Variants in SCG5 observed in about 807,000 individuals in gnomAD.
The protein encoded by SCG5 is neuroendocrine protein 7B2.
SCG5 carries 18 observed loss-of-function variants against 25.7 expected under a neutral mutation model. That is an observed-to-expected ratio of 0.70 (90% CI 0.48 to 1.04). The LOEUF is 1.04. Among genes scored for constraint, SCG5 ranks in the 50% least tolerant of loss-of-function variants. The pLI, the probability that SCG5 is intolerant of heterozygous loss-of-function variation, is 0.00. For missense variants in SCG5, 206 were observed against 259.8 expected (o/e 0.79, Z 1.42); for synonymous variants, 101 against 91.7 (o/e 1.10, Z -0.58).
intron 2 of SCG5, among the ~76,000 whole-genome samples, chr15:32,650,273 T>C (rs932787145): frequency 1.3e-5 from 2 of 151,976 alleles, no homozygotes; most frequent in African/African-American, 4.8e-5. Flanking sequence ...AATTTTTTTT[T>C]CGTATTTTTA....
chr15:32,658,742 G>A (rs2054166231), intron 2 of SCG5, among the ~76,000 whole-genome samples: 1 of 152,208 alleles, frequency 6.6e-6, no homozygotes, highest in African/African-American at 2.4e-5. Flanking sequence ...TGGTGGCAGG[G>A]GTAGTAGCAG....
At chr15:32,689,127 G>A (rs7178316) in intron 4 of SCG5, among the ~76,000 whole-genome samples, 19,987 of 151,810 alleles carry the variant, frequency 0.13, 1,800 homozygotes, top group East Asian at 0.44. Context: ...TTCTTACTCC[G>A]CTATTCTTTC....
intron 3 of SCG5, among the ~76,000 whole-genome samples, chr15:32,682,392 C>T (rs2054635613): frequency 6.6e-6 from 1 of 152,196 alleles, no homozygotes. Context: ...TTTCTTGAGC[C>T]TTAATGTCTT....
chr15:32,692,786 G>C (rs939457795), intron 5 of SCG5, among the ~76,000 whole-genome samples: 9 of 152,222 alleles, frequency 5.9e-5, no homozygotes, highest in African/African-American at 2.2e-4. Flanking sequence ...TCCGGTCAGA[G>C]AGAGCTTCAA....
intron 4 of SCG5, among the ~76,000 whole-genome samples, chr15:32,689,927 T>C (rs2054814604): frequency 6.6e-6 from 1 of 151,568 alleles, no homozygotes; most frequent in African/African-American, 2.4e-5. Context: ...CTGCAAGCTC[T>C]GCCTCCTGGG....
At chr15:32,644,973 T>C (rs2053919932) in intron 2 of SCG5, among the ~76,000 whole-genome samples, 1 of 152,346 alleles carries the variant, frequency 6.6e-6, no homozygotes, top group Non-Finnish European at 1.5e-5. Context: ...TAAAACTAAT[T>C]CGGTGAGATT....
intron 2 of SCG5, among the ~76,000 whole-genome samples, chr15:32,662,619 C>T (rs2054238605): frequency 6.6e-6 from 1 of 151,966 alleles, no homozygotes; most frequent in Non-Finnish European, 1.5e-5. Context: ...GTTCTTTAAG[C>T]TATTTAGCAG....
chr15:32,645,128 CCTT>C (rs2140495943), intron 2 of SCG5, among the ~76,000 whole-genome samples: 1 of 152,354 alleles, frequency 6.6e-6, no homozygotes, highest in South Asian at 2.1e-4. Flanking sequence ...GAATCTCAGT[CCTT>C]CTCAGCATCT....
At chr15:32,664,251 T>G (rs1219500894) in intron 2 of SCG5, among the ~76,000 whole-genome samples, 3 of 152,182 alleles carry the variant, frequency 2.0e-5, no homozygotes, top group African/African-American at 7.2e-5. Context: ...CGCCAGCTAT[T>G]AGTAGTGTAG....
At chr15:32,650,863 T>C (rs1049145125) in intron 2 of SCG5, among the ~76,000 whole-genome samples, 1 of 152,222 alleles carries the variant, frequency 6.6e-6, no homozygotes, top group Non-Finnish European at 1.5e-5. Context: ...TAGCATTTGA[T>C]GGCTCTGAGT....
chr15:32,663,059 ATATATATATAT>A (rs2054255727), intron 2 of SCG5, among the ~76,000 whole-genome samples: 4 of 68,462 alleles, frequency 5.8e-5, no homozygotes, highest in East Asian at 3.2e-4. Flanking sequence ...ATATATATAT[ATATATATATAT>A]ATATATATAA....
intron 2 of SCG5, among the ~76,000 whole-genome samples, chr15:32,664,830 A>T (rs897633574): frequency 6.6e-6 from 1 of 152,242 alleles, no homozygotes; most frequent in African/African-American, 2.4e-5. Flanking sequence ...TCTGTAAGGA[A>T]TACAGAAGGG....
chr15:32,688,739 A>G (rs1326190332), intron 4 of SCG5, among the ~76,000 whole-genome samples: 2 of 152,086 alleles, frequency 1.3e-5, no homozygotes, highest in African/African-American at 4.8e-5. Context: ...CAGGCGGATC[A>G]TGAGGTCAGG....
chr15:32,655,448 T>C (rs2054102284), intron 2 of SCG5, among the ~76,000 whole-genome samples: 1 of 152,188 alleles, frequency 6.6e-6, no homozygotes, highest in Admixed American at 6.5e-5. Flanking sequence ...GGCACCACCA[T>C]GCCCTTCAGC....
intron 2 of SCG5, among the ~76,000 whole-genome samples, chr15:32,667,489 C>T (rs1161038439): frequency 6.6e-6 from 1 of 152,238 alleles, no homozygotes; most frequent in Non-Finnish European, 1.5e-5. Flanking sequence ...CTGCAGCTGT[C>T]TGAGCGTATT....
At chr15:32,670,220 T>G (rs960644312) in intron 2 of SCG5, among the ~76,000 whole-genome samples, 13 of 152,276 alleles carry the variant, frequency 8.5e-5, no homozygotes, top group African/African-American at 3.1e-4. Flanking sequence ...TTTGCTTATC[T>G]GCCAACAGGC....
At chr15:32,647,335 A>G (rs1250734212) in intron 2 of SCG5, among the ~76,000 whole-genome samples, 2 of 152,246 alleles carry the variant, frequency 1.3e-5, no homozygotes, top group Non-Finnish European at 2.9e-5. Flanking sequence ...CATGGTACAT[A>G]GAAGACAAAT....
At chr15:32,664,029 A>G (rs1373569144) in intron 2 of SCG5, among the ~76,000 whole-genome samples, 3 of 152,174 alleles carry the variant, frequency 2.0e-5, no homozygotes, top group African/African-American at 7.2e-5. Context: ...CTGAATTTGA[A>G]TTCTGAAGCT....
At chr15:32,669,479 C>G (rs2140544191) in intron 2 of SCG5, among the ~76,000 whole-genome samples, 1 of 152,312 alleles carries the variant, frequency 6.6e-6, no homozygotes, top group African/African-American at 2.4e-5. Context: ...AAGCTCCACT[C>G]TGACCCTCAG....
Sources: allele counts gnomAD v4.1 joint callset (sites outside exome capture counted in the v4.1 genomes callset), GRCh38; gene constraint gnomAD v4.1.1; transcripts MANE v1.5; gene names NCBI Gene and HGNC (gene_info 2026-07-23, HGNC 2026-07-21).